Variants in SIMC1 observed in about 807,000 individuals in gnomAD.
The protein encoded by SIMC1 is SUMO-interacting motif-containing protein 1.
In SIMC1, 55 loss-of-function variants were observed where a neutral mutation model predicts 82.3. The ratio of observed to expected loss-of-function variants is 0.67; its 90% CI spans 0.54 to 0.84. The LOEUF is 0.84. SIMC1 is among the 40% of genes least tolerant of loss of function. The pLI, the probability that SIMC1 is intolerant of heterozygous loss-of-function variation, is 0.00. For synonymous variants in SIMC1, 353 were observed against 426.3 expected (o/e 0.83, Z 2.12); for missense variants, 915 against 1,107.2 (o/e 0.83, Z 2.46).
chr5:176,341,658 AC>A (rs1259008919), intron 9 of SIMC1, among the ~76,000 whole-genome samples: 3 of 152,050 alleles, frequency 2.0e-5, no homozygotes, highest in African/African-American at 7.3e-5. Context: ...CTGAAGGGTG[AC>A]TCCCAGGGTT....
chr5:176,315,330 A>G (rs902761203), intron 5 of SIMC1, among the ~76,000 whole-genome samples: 3 of 152,196 alleles, frequency 2.0e-5, no homozygotes, highest in African/African-American at 4.8e-5. Flanking sequence ...TAATAGAGTG[A>G]GAACTCACTC....
At chr5:176,249,843 C>CAAA (rs66752759) in intron 1 of SIMC1, among the ~76,000 whole-genome samples, 37,750 of 81,268 alleles carry the variant, frequency 0.46, 9,031 homozygotes, top group Non-Finnish European at 0.56. Flanking sequence ...GATTCCGTCT[C>CAAA]AAAAAAAAAA....
At chr5:176,242,086 T>G (rs964592987) in intron 1 of SIMC1, among the ~76,000 whole-genome samples, 1 of 152,154 alleles carries the variant, frequency 6.6e-6, no homozygotes, top group African/African-American at 2.4e-5. Flanking sequence ...CTTGTTACCG[T>G]GATACACAGT....
intron 9 of SIMC1, among the ~76,000 whole-genome samples, chr5:176,343,366 A>G (rs1333049669): frequency 6.6e-6 from 1 of 152,210 alleles, no homozygotes; most frequent in Non-Finnish European, 1.5e-5. Flanking sequence ...GAAGTCTTCA[A>G]GTCCCCAGAA....
intron 1 of SIMC1, among the ~76,000 whole-genome samples, chr5:176,269,874 T>C (rs1370353529): frequency 6.6e-6 from 1 of 152,008 alleles, no homozygotes; most frequent in African/African-American, 2.4e-5. Context: ...GCCTCCCAGG[T>C]AGCTGGGACC....
chr5:176,265,495 A>T (rs1235351417), intron 1 of SIMC1, among the ~76,000 whole-genome samples: 3 of 152,210 alleles, frequency 2.0e-5, no homozygotes, highest in Admixed American at 1.3e-4. Context: ...CAATTTCTTA[A>T]ATCCAAAGCC....
intron 1 of SIMC1, among the ~76,000 whole-genome samples, chr5:176,279,157 C>T (rs1442136311): frequency 9.9e-5 from 15 of 152,178 alleles, no homozygotes; most frequent in Admixed American, 6.5e-5. Flanking sequence ...AGAGATTCAA[C>T]TTCTTCCTGG....
At chr5:176,245,947 T>C (rs944827211) in intron 1 of SIMC1, among the ~76,000 whole-genome samples, 2 of 152,036 alleles carry the variant, frequency 1.3e-5, no homozygotes, top group Admixed American at 1.3e-4. Context: ...CCTTTTGTGG[T>C]ACTTATCAGG....
chr5:176,251,861 G>T (rs1444584734), intron 1 of SIMC1, among the ~76,000 whole-genome samples: 3 of 150,054 alleles, frequency 2.0e-5, no homozygotes, highest in Non-Finnish European at 4.4e-5. Context: ...AACCCTGAGT[G>T]GACACAGCAC....
Position 176,290,162 on chromosome 5 carries a change from C to G in SIMC1, c.638C>G (p.Ser213Cys), listed in dbSNP as rs1368161067. 1.9e-6 allele frequency: 3 copies of G among 1,611,000 alleles called. No homozygotes were observed. The highest frequency in any genetic ancestry group is 2.2e-5 in the East Asian group (1 of 44,794). The change falls in exon 2 of 10, where the codon TCT becomes TGT. Residue 213 changes from serine to cysteine, a missense_variant. Transcript: ENST00000429602. ...APLPCPQQDV[S>C]RPPQALPCPL... ...TTGCCATGCCCACAGCAAGATGTATCTCGCCCACCACAGGCCTTGCCGTGC... is the reference window on the plus strand; with the variant it reads ...TTGCCATGCCCACAGCAAGATGTATGTCGCCCACCACAGGCCTTGCCGTGC...
rs1005980754 is a variant in SIMC1 at position 176,242,388 on chromosome 5, A to G, written c.129+3751A>G. ...TAAGTGATTGTGTGCATAAATTTTG[A>G]TAAAGTTTAACTTTGTATAATAGAT... On this transcript the variant is annotated intron_variant, in intron 1 of 9. Transcript: ENST00000429602. Among the ~76,000 whole-genome samples the G allele has an allele frequency of 1.1e-4, 16 of 152,026 alleles. 1 individual carries two copies. The highest frequency in any genetic ancestry group is 3.9e-4 in the African/African-American group (16 of 41,354).
intron 4 of SIMC1, among the ~76,000 whole-genome samples, chr5:176,305,890 G>A (rs1162056532): frequency 2.4e-5 from 2 of 84,286 alleles, no homozygotes; most frequent in Admixed American, 1.1e-4. Flanking sequence ...CAGCCGCCCC[G>A]TCCGGGAGGT....
At chr5:176,298,113 G>A (rs1763898938) in intron 4 of SIMC1, among the ~76,000 whole-genome samples, 1 of 152,208 alleles carries the variant, frequency 6.6e-6, no homozygotes, top group Admixed American at 6.5e-5. Flanking sequence ...GAATTAAGAA[G>A]CTTCAGTGCC....
intron 5 of SIMC1, among the ~76,000 whole-genome samples, chr5:176,314,616 C>CT (rs752464906): frequency 6.6e-5 from 10 of 152,058 alleles, no homozygotes; most frequent in Non-Finnish European, 1.5e-4. Flanking sequence ...AGCATGTGTT[C>CT]TTTTTTGCAG....
At chr5:176,337,427 C>T (rs1765950408) in intron 9 of SIMC1, among the ~76,000 whole-genome samples, 1 of 152,170 alleles carries the variant, frequency 6.6e-6, no homozygotes, top group Non-Finnish European at 1.5e-5. Flanking sequence ...AACCCTGTCT[C>T]TACTAAAAAT....
intron 1 of SIMC1, among the ~76,000 whole-genome samples, chr5:176,248,835 A>C (rs1191561435): frequency 6.6e-6 from 1 of 152,118 alleles, no homozygotes; most frequent in East Asian, 1.9e-4. Context: ...AATTCTATCA[A>C]AGGCCTTTTC....
At chr5:176,308,990 C>G in intron 4 of SIMC1, 1 of 850,154 alleles carries the variant, frequency 1.2e-6, no homozygotes, top group Non-Finnish European at 2.1e-6. Flanking sequence ...AGAGCTTATG[C>G]AAGAACTTTC....
chr5:176,313,477 C>G, intron 4 of SIMC1: 1 of 1,550,772 alleles, frequency 6.4e-7, no homozygotes, highest in Non-Finnish European at 8.7e-7. Flanking sequence ...TTTCTGAAAC[C>G]TTATAAGGTA....
chr5:176,274,654 C>A (rs555881168), intron 1 of SIMC1, among the ~76,000 whole-genome samples: 26 of 151,934 alleles, frequency 1.7e-4, no homozygotes, highest in African/African-American at 6.0e-4. Context: ...ACATTTAAGT[C>A]TTTAATCCAT....
Sources: allele counts gnomAD v4.1 joint callset (sites outside exome capture counted in the v4.1 genomes callset), GRCh38; gene constraint gnomAD v4.1.1; transcripts MANE v1.5; gene names NCBI Gene and HGNC (gene_info 2026-07-23, HGNC 2026-07-21).